CLCA4: variants seen among roughly 807,000 people sequenced by gnomAD.
CLCA4 encodes the protein calcium-activated chloride channel regulator 4.
A neutral mutation model predicts 78.9 loss-of-function variants in CLCA4; 69 were observed. The ratio of observed to expected loss-of-function variants is 0.87; its 90% CI spans 0.72 to 1.07. The LOEUF (loss-of-function observed/expected upper bound fraction) is 1.07, where lower values mean the gene tolerates loss of function less well. Ranked by LOEUF, CLCA4 falls within the 50% of genes least tolerant of loss-of-function variation. The pLI, the probability that CLCA4 is intolerant of heterozygous loss-of-function variation, is 0.00. For missense variants in CLCA4, 1,133 were observed against 1,095.8 expected (o/e 1.03, Z -0.48); for synonymous variants, 362 against 375.8 (o/e 0.96, Z 0.42).
intron 11 of CLCA4, 77 bp downstream of exon 11, chr1:86,575,676 C>A: frequency 1.6e-6 from 2 of 1,289,370 alleles, no homozygotes; most frequent in Non-Finnish European, 2.2e-6. Context: ...CATTGTGGAG[C>A]AGTAAGACAG....
rs955522633 is a variant in CLCA4, at chr1:86,569,325, A to G, written c.1182+1674A>G. On this transcript the variant is annotated intron_variant, in intron 7 of 13. Transcript: ENST00000370563. Reference sequence around the variant, plus strand: ...GTTCCTTAAGGAAAAAGGTGAGAAAAAACTAGATTATTCTAAGAAATTATA... The same window carrying G: ...GTTCCTTAAGGAAAAAGGTGAGAAAGAACTAGATTATTCTAAGAAATTATA... Among the ~76,000 whole-genome samples the G allele has an allele frequency of 2.6e-5, 4 of 152,018 alleles. No individual in the cohort carries two copies. The East Asian group carries it at 7.7e-4, about 29-fold the overall frequency.
chr1:86,571,089 C>A lies in CLCA4; in HGVS notation c.1195C>A (p.Leu399Ile). Residue 399 changes from leucine (L) to isoleucine (I), a missense_variant, in exon 8 of 14, where the codon CTA (leucine) becomes ATA (isoleucine). By Grantham distance (5) the Leu-to-Ile change is conservative. Coordinates refer to ENST00000370563, the MANE Select transcript of CLCA4 (RefSeq NM_012128.4). ...ATTATGTTTGCAGGTGATTGGAGAGCTACATTCCCAACTCGATGGATCCGA... is the reference window on the plus strand; with the variant it reads ...ATTATGTTTGCAGGTGATTGGAGAGATACATTCCCAACTCGATGGATCCGA... ...IKYAFQVIGE[L>I]HSQLDGSEVL... 1 of 1,610,398 alleles carries A rather than the reference C, an allele frequency of 6.2e-7. No individual in the cohort carries two copies. Among genetic ancestry groups the A allele is most frequent in the Non-Finnish European group, 8.5e-7 (1 of 1,177,246 alleles).
rs1212799633 is a variant in CLCA4 at position 86,565,438 on chromosome 1, A to G, written c.722A>G (p.Gln241Arg). 1 of 1,590,980 alleles carries G rather than the reference A, an allele frequency of 6.3e-7. No individual in the cohort carries two copies. Among genetic ancestry groups the G allele is most frequent in the Non-Finnish European group, 8.6e-7 (1 of 1,167,712 alleles). Residue 241 changes from glutamine to arginine, a missense_variant, in exon 5 of 14, where the codon CAA (glutamine) becomes CGA (arginine). Coordinates refer to ENST00000370563, the MANE Select transcript of CLCA4 (RefSeq NM_012128.4). The stretch of plus-strand genomic sequence containing the variant: ...GAAAAAGCATCCATAATGTTTATGC[A>G]AAGTATTGATTCTGTAAGTATGCTG... The part of the protein sequence containing the change: ...QTEKASIMFM[Q>R]SIDSVVEFCN...
intron 4 of CLCA4, 68 bp from the exon 5 acceptor site, chr1:86,565,206 A>ATT (rs1650141050): frequency 9.0e-7 from 1 of 1,108,214 alleles, no homozygotes; most frequent in Non-Finnish European, 1.3e-6. Context: ...CATGAATAGA[A>ATT]CCACTTAAGA....
At chr1:86,577,478 C>A (rs1650553812) in intron 11 of CLCA4, among the ~76,000 whole-genome samples, 2 of 152,112 alleles carry the variant, frequency 1.3e-5, no homozygotes, top group African/African-American at 4.8e-5. Flanking sequence ...AAATCCTACA[C>A]AAAGAAAGGA....
At chr1:86,551,747 T>C (rs1250089464) in intron 1 of CLCA4, among the ~76,000 whole-genome samples, 1 of 152,246 alleles carries the variant, frequency 6.6e-6, no homozygotes, top group Non-Finnish European at 1.5e-5. Context: ...TCTGAGGTCC[T>C]GAAGACCAAC....
chr1:86,576,818 T>C (rs1650537019), intron 11 of CLCA4, among the ~76,000 whole-genome samples: 1 of 151,996 alleles, frequency 6.6e-6, no homozygotes, highest in African/African-American at 2.4e-5. Context: ...GATGCAACGT[T>C]GGCCATTATC....
intron 6 of CLCA4, among the ~76,000 whole-genome samples, chr1:86,566,520 G>A (rs1287555736): frequency 3.3e-5 from 5 of 152,026 alleles, no homozygotes; most frequent in Non-Finnish European, 5.9e-5. Context: ...CCAGAAGGAT[G>A]GCACATTTAA....
chr1:86,575,415 T>C lies in CLCA4; in HGVS notation c.1767T>C (p.Ser589=). ...CAGTAACTTCTCGAGCAGCAAATTC[T>C]TCTGTGCCTCCAATCACAGTGAATG... ...TITVTSRAAN[S]SVPPITVNAK... The change falls in exon 11 of 14, where the codon TCT becomes TCC. Residue 589 remains serine (S), a synonymous_variant. Transcript: ENST00000370563. 6.2e-7 allele frequency: 1 copy of C among 1,613,482 alleles called. No individual in the cohort carries two copies. Among genetic ancestry groups the C allele is most frequent in the Non-Finnish European group, 8.5e-7 (1 of 1,179,578 alleles).
chr1:86,551,400 A>C (rs1649657860), intron 1 of CLCA4, among the ~76,000 whole-genome samples: 1 of 152,084 alleles, frequency 6.6e-6, no homozygotes, highest in South Asian at 2.1e-4. Flanking sequence ...AAGAAAACAA[A>C]CCTTTTTGGC....
chr1:86,578,014 G>A lies in CLCA4; in HGVS notation c.2064G>A (p.Arg688=). 2 of 1,612,772 alleles carry A rather than the reference G, an allele frequency of 1.2e-6. No individual in the cohort carries two copies. The highest frequency in any genetic ancestry group is 1.1e-5 in the South Asian group (1 of 91,040). The change falls in exon 12 of 14, where the codon AGG becomes AGA. Residue 688 remains arginine (R), a synonymous_variant. Transcript: ENST00000370563. ...VRAHGGANTA[R]LKLRPPLNRA... is the part of the protein sequence containing the mutation. ...CTCATGGAGGAGCAAACACTGCCAG[G>A]CTAAAATTACGGCCTCCACTGAATA...
chr1:86,559,238 T>C (rs1323864501), intron 1 of CLCA4, among the ~76,000 whole-genome samples: 1 of 152,166 alleles, frequency 6.6e-6, no homozygotes, highest in Non-Finnish European at 1.5e-5. Context: ...ATTATTTTCA[T>C]ATAGGTGGTA....
At chr1:86,578,599 C>T (rs952796401) in intron 12 of CLCA4, among the ~76,000 whole-genome samples, 2 of 151,984 alleles carry the variant, frequency 1.3e-5, no homozygotes, top group African/African-American at 4.8e-5. Flanking sequence ...GGATAATGGC[C>T]TCCAGCTCCA....
intron 7 of CLCA4, among the ~76,000 whole-genome samples, chr1:86,568,406 A>G (rs1308950680): frequency 6.7e-6 from 1 of 148,976 alleles, no homozygotes; most frequent in Admixed American, 6.8e-5. Flanking sequence ...GTATATTTAT[A>G]ATAATTAGTA....
chr1:86,548,066 A>G (rs181329705), intron 1 of CLCA4, among the ~76,000 whole-genome samples: 6 of 152,236 alleles, frequency 3.9e-5, no homozygotes, highest in East Asian at 1.9e-4. Context: ...ATTTTCACCA[A>G]TGGTATATAA....
intron 7 of CLCA4, 64 bp downstream of exon 7, chr1:86,567,715 T>A: frequency 7.7e-7 from 1 of 1,292,096 alleles, no homozygotes; most frequent in Non-Finnish European, 1.1e-6. Context: ...TCATGTTAAG[T>A]GGTACTGCAC....
At chr1:86,547,962 C>T (rs1261896490) in intron 1 of CLCA4, among the ~76,000 whole-genome samples, 1 of 152,156 alleles carries the variant, frequency 6.6e-6, no homozygotes, top group Non-Finnish European at 1.5e-5. Context: ...TGGATATATA[C>T]CCACTAGTGG....
At position 86,559,879 on chromosome 1, in the gene CLCA4, AT is replaced by A; in HGVS notation, c.160-50del. ...AAATGCCTGTCACAAAACCCTGCTA[AT>A]TTAGTTCACTCTAACTTCACCATCC... On this transcript the variant is annotated intron_variant, in intron 1 of 13. Transcript: ENST00000370563. 6.2e-6 allele frequency: 9 copies of A among 1,443,288 alleles called. No homozygotes were observed. In the South Asian group the frequency reaches 9.9e-5, roughly 16 times the overall value. 89.4% of individuals were successfully genotyped at this position (1,443,288 alleles called of 1,614,324 possible).
At chr1:86,571,656 A>T (rs1236987971) in intron 8 of CLCA4, among the ~76,000 whole-genome samples, 1 of 151,996 alleles carries the variant, frequency 6.6e-6, no homozygotes, top group African/African-American at 2.4e-5. Context: ...TGAGCAAAAA[A>T]CATCACGTTG....
Sources: gnomAD v4.1 joint callset for allele counts (sites outside exome capture counted in the v4.1 genomes callset) on GRCh38, gnomAD v4.1.1 for gene constraint, MANE v1.5 for transcripts, NCBI Gene and HGNC (gene_info 2026-07-23, HGNC 2026-07-21) for gene names.